Variants in USH2A observed in about 807,000 individuals in gnomAD.
USH2A encodes the protein usherin.
USH2A carries 443 observed loss-of-function variants against 538.9 expected under a neutral mutation model. The observed-to-expected ratio is 0.82, with a 90% CI of 0.76 to 0.89. USH2A has a LOEUF of 0.89. Among genes scored for constraint, USH2A ranks in the 40% least tolerant of loss-of-function variants. USH2A has a pLI of 0.00. For missense variants in USH2A, 6,633 were observed against 6,324.8 expected, an observed-to-expected ratio of 1.05 and a Z score of -1.65; for synonymous variants, 2,413 against 2,273.5, an observed-to-expected ratio of 1.06 and a Z score of -1.75.
At chr1:215,761,904 T>C (rs1028806892) in intron 56 of USH2A, among the ~76,000 whole-genome samples, 3 of 152,176 alleles carry the variant, frequency 2.0e-5, no homozygotes, top group Admixed American at 1.3e-4. Flanking sequence ...CTGTAATCAA[T>C]AGCTTTTGCT....
At chr1:215,921,200 T>G (rs749982179) in intron 38 of USH2A, among the ~76,000 whole-genome samples, 1 of 152,076 alleles carries the variant, frequency 6.6e-6, no homozygotes, top group East Asian at 1.9e-4. Flanking sequence ...TAATTTATAA[T>G]AGAAGTTCAT....
intron 9 of USH2A, among the ~76,000 whole-genome samples, chr1:216,295,677 G>A (rs1183066207): frequency 1.3e-5 from 2 of 151,856 alleles, no homozygotes; most frequent in African/African-American, 4.8e-5. Flanking sequence ...AATACTTAAT[G>A]TGACTTCCCT....
chr1:216,035,975 T>G (rs980821788), intron 32 of USH2A, among the ~76,000 whole-genome samples: 2 of 152,182 alleles, frequency 1.3e-5, no homozygotes, highest in African/African-American at 4.8e-5. Flanking sequence ...AGATAGAATG[T>G]GTCCAAATGA....
At chr1:216,196,305 A>T (rs2034840558) in intron 19 of USH2A, among the ~76,000 whole-genome samples, 1 of 152,190 alleles carries the variant, frequency 6.6e-6, no homozygotes, top group Admixed American at 6.5e-5. Context: ...AGGATACATG[A>T]TAAATGGAAA....
intron 55 of USH2A, among the ~76,000 whole-genome samples, chr1:215,773,270 C>T (rs994705560): frequency 6.6e-6 from 1 of 152,050 alleles, no homozygotes; most frequent in Non-Finnish European, 1.5e-5. Flanking sequence ...GCCACTTGTA[C>T]TGTAAGGCTC....
chr1:215,676,195 A>G (rs1337320107), intron 62 of USH2A, among the ~76,000 whole-genome samples: 1 of 152,122 alleles, frequency 6.6e-6, no homozygotes, highest in Non-Finnish European at 1.5e-5. Context: ...ACATATATAC[A>G]TGTATATAAA....
chr1:216,260,099 T>TTCG (rs2036338974), intron 11 of USH2A, among the ~76,000 whole-genome samples: 3 of 152,236 alleles, frequency 2.0e-5, no homozygotes, highest in Admixed American at 2.0e-4. Flanking sequence ...TGCCTTTTCC[T>TTCG]CTTTTTCTTG....
intron 3 of USH2A, among the ~76,000 whole-genome samples, chr1:216,400,706 A>G (rs1311881046): frequency 6.6e-6 from 1 of 152,178 alleles, no homozygotes; most frequent in Non-Finnish European, 1.5e-5. Context: ...AATGATGTAA[A>G]ACTTATAAGT....
chr1:215,999,032 C>T lies in USH2A; in HGVS notation c.6512G>A (p.Gly2171Glu), dbSNP rs771744827. 27 of 1,611,862 alleles carry T rather than the reference C, an allele frequency of 1.7e-5. No individual in the cohort carries two copies. Among genetic ancestry groups the T allele is most frequent in the Non-Finnish European group, 2.1e-5 (25 of 1,178,712 alleles). Residue 2171 changes from glycine (G) to glutamate (E), a missense_variant, in exon 34 of 72, where the codon GGG becomes GAG. Gly to Glu is a moderately conservative substitution (Grantham distance 98, BLOSUM62 -2). Coordinates refer to ENST00000307340, the MANE Select transcript of USH2A (RefSeq NM_206933.4). ...IQWKQPRKIS[G>E]ILERYVLYMS... ...ATATAATACATAGCGTTCCAGAATC[C>T]CACTTATTTTTCTTGGTTGTTTCCA...
intron 50 of USH2A, among the ~76,000 whole-genome samples, chr1:215,795,730 T>C (rs1019630412): frequency 3.3e-5 from 5 of 152,308 alleles, no homozygotes; most frequent in Non-Finnish European, 1.5e-5. Context: ...GAGGAGGTAT[T>C]CAACTGGTTA....
In USH2A at chr1:215,817,148, A is replaced by G; in HGVS notation, c.9419T>C (p.Ile3140Thr). The change falls in exon 48 of 72, where the codon ATT (isoleucine) becomes ACT (threonine). Residue 3140 changes from isoleucine to threonine, a missense_variant. Transcript: ENST00000307340. ...WVSPRKPNGI[I>T]LGYDLLWKTW... The stretch of plus-strand genomic sequence containing the variant: ...TTTCCATAGGAGATCATATCCAAGA[A>G]TGATGCCATTTGGCTTCCGTGGAGA... 1.2e-6 allele frequency: 2 copies of G among 1,612,800 alleles called. No individual in the cohort carries two copies. Among genetic ancestry groups the G allele is most frequent in the Non-Finnish European group, 1.7e-6 (2 of 1,179,048 alleles).
intron 64 of USH2A, among the ~76,000 whole-genome samples, chr1:215,665,468 AG>A (rs929357038): frequency 6.6e-6 from 1 of 152,126 alleles, no homozygotes; most frequent in Non-Finnish European, 1.5e-5. Context: ...AATCAGTGAA[AG>A]GGGGGGTGGT....
chr1:216,027,759 A>G (rs1009051507), intron 32 of USH2A, among the ~76,000 whole-genome samples: 3 of 151,918 alleles, frequency 2.0e-5, no homozygotes, highest in Admixed American at 2.0e-4. Context: ...TGAAGTTAAC[A>G]TTTGAATAAG....
At chr1:215,907,545 C>T (rs1665671206) in intron 38 of USH2A, among the ~76,000 whole-genome samples, 1 of 151,758 alleles carries the variant, frequency 6.6e-6, no homozygotes, top group Admixed American at 6.6e-5. Flanking sequence ...GGGCCACAGC[C>T]CAACACAGGA....
rs149872944 is a variant in USH2A, at chr1:216,380,723, T to C, written c.652-15638A>G. Among the ~76,000 whole-genome samples the C allele has an allele frequency of 4.4e-3, 675 of 152,284 alleles. 9 individuals carry two copies. The highest frequency in any genetic ancestry group is 0.015 in the African/African-American group (636 of 41,570). On this transcript the variant is annotated intron_variant, in intron 3 of 71. Coordinates refer to ENST00000307340, the MANE Select transcript of USH2A (RefSeq NM_206933.4). ...GAGACTGTAAAGTACTTACTAATCA[T>C]GGAAAAGATAATTTTTTCAGGATAA...
Position 215,740,114 on chromosome 1 carries a change from TG to T in USH2A, c.11711+1260del, listed in dbSNP as rs1160883537. ...TCAGTTGACAGGTTATTTGCCCCCT[TG>T]GCTCTTTGCATTGTACTTTCTACTC... On this transcript the variant is annotated intron_variant, in intron 60 of 71. Coordinates refer to ENST00000307340, the MANE Select transcript of USH2A (RefSeq NM_206933.4). Among the ~76,000 whole-genome samples the T allele has an allele frequency of 2.0e-5, 3 of 152,202 alleles. No homozygotes were observed. In the East Asian group the frequency reaches 5.8e-4, roughly 29 times the overall value.
intron 34 of USH2A, 146 bp downstream of exon 34, chr1:215,998,741 G>T (rs750748911): frequency 2.5e-6 from 2 of 813,962 alleles, no homozygotes; most frequent in Non-Finnish European, 2.0e-6. Context: ...CATTTAGGAT[G>T]GGAAGAGAGT....
intron 34 of USH2A, among the ~76,000 whole-genome samples, chr1:215,994,345 T>A (rs1390322461): frequency 3.3e-5 from 5 of 152,182 alleles, no homozygotes; most frequent in African/African-American, 1.2e-4. Context: ...GTAGTCGATA[T>A]TCTTTTCCCC....
intron 68 of USH2A, 25 bp from the exon 69 acceptor site, chr1:215,639,263 A>G: frequency 6.2e-7 from 1 of 1,611,730 alleles, no homozygotes; most frequent in Non-Finnish European, 8.5e-7. Context: ...GAACTGGTAA[A>G]TGACTTGTTC....
Sources: gnomAD v4.1 joint callset for allele counts (sites outside exome capture counted in the v4.1 genomes callset) on GRCh38, gnomAD v4.1.1 for gene constraint, MANE v1.5 for transcripts, NCBI Gene and HGNC (gene_info 2026-07-23, HGNC 2026-07-21) for gene names.